SUPT3H: variants seen among roughly 807,000 people sequenced by gnomAD.
The protein encoded by SUPT3H is SPT3 homolog, SAGA and STAGA complex component, also known as transcription initiation protein SPT3 homolog.
SUPT3H carries 44 observed loss-of-function variants against 44.3 expected under a neutral mutation model. The ratio of observed to expected loss-of-function variants is 0.99; its 90% confidence interval spans 0.78 to 1.28. SUPT3H has a LOEUF of 1.28. Among genes scored for constraint, SUPT3H ranks in the 50% most tolerant of loss-of-function variants. The pLI, the probability that SUPT3H is intolerant of heterozygous loss-of-function variation, is 0.00. For missense variants in SUPT3H, 380 were observed against 387.1 expected, an observed-to-expected ratio of 0.98 and a Z score of 0.15; for synonymous variants, 124 against 125.6, an observed-to-expected ratio of 0.99 and a Z score of 0.09.
intron 2 of SUPT3H, among the ~76,000 whole-genome samples, chr6:45,141,996 A>T (rs1200179923): frequency 6.6e-6 from 1 of 152,222 alleles, no homozygotes; most frequent in African/African-American, 2.4e-5. Flanking sequence ...GTGAGACAAA[A>T]GCATCAGGTA....
At chr6:45,057,271 T>C (rs1228058875) in intron 3 of SUPT3H, among the ~76,000 whole-genome samples, 1 of 152,134 alleles carries the variant, frequency 6.6e-6, no homozygotes, top group African/African-American at 2.4e-5. Flanking sequence ...AATCAGATAA[T>C]GGTACCATAT....
intron 11 of SUPT3H, among the ~76,000 whole-genome samples, chr6:44,820,394 C>G (rs1019265564): frequency 1.3e-5 from 2 of 152,002 alleles, no homozygotes; most frequent in Admixed American, 1.3e-4. Flanking sequence ...TTGAAAAACA[C>G]AGTTGAAGAA....
Position 45,059,311 on chromosome 6 carries a change from A to C in SUPT3H, c.187-38679T>G, listed in dbSNP as rs142938109. 1.6e-3 allele frequency among the ~76,000 whole-genome samples: 248 copies of C among 152,306 alleles called. 2 individuals are homozygous for C. Among genetic ancestry groups the C allele is most frequent in the African/African-American group, 5.6e-3 (234 of 41,564 alleles). ...TGCAAATCAATAAATGTAATTCATC[A>C]CATAAACAGAACTAAAGACAAAAAC... is the stretch of plus-strand genomic sequence containing the variant. On this transcript the variant is annotated intron_variant, in intron 3 of 10. Transcript: ENST00000371459.
chr6:45,307,084 A>G (rs1223545079), intron 2 of SUPT3H, among the ~76,000 whole-genome samples: 1 of 152,196 alleles, frequency 6.6e-6, no homozygotes, highest in Non-Finnish European at 1.5e-5. Context: ...GGTGCCCGCC[A>G]TTGCTGAGGC....
chr6:44,876,516 G>C (rs1777300592), intron 10 of SUPT3H, among the ~76,000 whole-genome samples: 1 of 123,184 alleles, frequency 8.1e-6, no homozygotes, highest in African/African-American at 3.0e-5. Context: ...GGTCGGGGGA[G>C]GGGGGAGGGA....
At chr6:45,023,181 A>G (rs957753142) in intron 3 of SUPT3H, among the ~76,000 whole-genome samples, 2 of 151,942 alleles carry the variant, frequency 1.3e-5, no homozygotes, top group South Asian at 2.1e-4. Context: ...GCTCAGTAAC[A>G]CTGATCATTA....
At chr6:44,812,685 A>G (rs1334323749) in intron 11 of SUPT3H, among the ~76,000 whole-genome samples, 5 of 152,198 alleles carry the variant, frequency 3.3e-5, no homozygotes, top group African/African-American at 1.2e-4. Context: ...AGAGAATAAG[A>G]TAATGGAGAA....
At chr6:44,897,606 A>C (rs558188215) in intron 10 of SUPT3H, among the ~76,000 whole-genome samples, 1 of 152,214 alleles carries the variant, frequency 6.6e-6, no homozygotes, top group Non-Finnish European at 1.5e-5. Flanking sequence ...AGCAAAGGCC[A>C]TGCTTCCATT....
At chr6:44,886,341 GAA>G (rs1762287923) in intron 10 of SUPT3H, among the ~76,000 whole-genome samples, 1 of 152,036 alleles carries the variant, frequency 6.6e-6, no homozygotes, top group Non-Finnish European at 1.5e-5. Flanking sequence ...TGAAATGAAG[GAA>G]AAAATGTTAA....
chr6:45,141,265 G>A (rs369043994), intron 2 of SUPT3H, among the ~76,000 whole-genome samples: 2 of 150,046 alleles, frequency 1.3e-5, no homozygotes, highest in Non-Finnish European at 3.0e-5. Flanking sequence ...ACTTGAACCC[G>A]GGAGGCGAAG....
intron 2 of SUPT3H, among the ~76,000 whole-genome samples, chr6:45,146,688 T>C (rs1035533136): frequency 1.1e-4 from 16 of 152,168 alleles, no homozygotes; most frequent in African/African-American, 3.1e-4. Flanking sequence ...TAATAATCAC[T>C]ACAAAAGGTG....
At chr6:45,309,684 C>T (rs762242241) in intron 2 of SUPT3H, among the ~76,000 whole-genome samples, 13 of 151,928 alleles carry the variant, frequency 8.6e-5, no homozygotes, top group Middle Eastern at 3.4e-3. Context: ...CAAGAATAGA[C>T]GAAGGTATAT....
rs1272689652 is a variant in SUPT3H at position 44,827,557 on chromosome 6, C to T, written c.*2259G>A. On this transcript the variant is annotated 3_prime_UTR_variant, in exon 11 of 11. Coordinates refer to ENST00000371459, the MANE Select transcript of SUPT3H (RefSeq NM_003599.4). Reference sequence around the variant, plus strand: ...TGTTCTTAATGATCTCTAAGACTATCTTCTGCTCTAACATTATGATTATTG... The same window carrying T: ...TGTTCTTAATGATCTCTAAGACTATTTTCTGCTCTAACATTATGATTATTG... Among the ~76,000 whole-genome samples the T allele has an allele frequency of 6.6e-6, 1 of 152,022 alleles. No homozygotes were observed. Among genetic ancestry groups the T allele is most frequent in the Non-Finnish European group, 1.5e-5 (1 of 67,954 alleles).
intron 10 of SUPT3H, among the ~76,000 whole-genome samples, chr6:44,923,949 G>A (rs1309677599): frequency 6.6e-6 from 1 of 152,038 alleles, no homozygotes; most frequent in East Asian, 1.9e-4. Flanking sequence ...TTCAATAGAC[G>A]AAGCAAAATA....
chr6:45,115,166 TC>T (rs978410448), intron 2 of SUPT3H, among the ~76,000 whole-genome samples: 1 of 152,114 alleles, frequency 6.6e-6, no homozygotes, highest in African/African-American at 2.4e-5. Context: ...CAGGAAAGTT[TC>T]TCCCATGTTA....
At chr6:44,941,559 A>G (rs1410245289) in intron 9 of SUPT3H, among the ~76,000 whole-genome samples, 1 of 152,190 alleles carries the variant, frequency 6.6e-6, no homozygotes, top group Non-Finnish European at 1.5e-5. Flanking sequence ...TTCTTTAATT[A>G]AAACCAGAAA....
At chr6:44,854,812 T>A (rs1334050429) in intron 10 of SUPT3H, among the ~76,000 whole-genome samples, 3 of 152,196 alleles carry the variant, frequency 2.0e-5, no homozygotes, top group Non-Finnish European at 4.4e-5. Context: ...TCTTTTAAAC[T>A]AAAGACTTTC....
At chr6:44,976,144 G>C (rs557020200) in intron 6 of SUPT3H, among the ~76,000 whole-genome samples, 2 of 152,228 alleles carry the variant, frequency 1.3e-5, no homozygotes, top group African/African-American at 4.8e-5. Flanking sequence ...CTAGAAGCAT[G>C]AGTTAACATA....
intron 10 of SUPT3H, among the ~76,000 whole-genome samples, chr6:44,907,026 C>CA (rs1766209130): frequency 1.3e-5 from 2 of 152,146 alleles, no homozygotes; most frequent in South Asian, 4.1e-4. Flanking sequence ...TGTGTCATTA[C>CA]CTTGATGATT....
Sources: allele counts gnomAD v4.1 joint callset (sites outside exome capture counted in the v4.1 genomes callset), GRCh38; gene constraint gnomAD v4.1.1; transcripts MANE v1.5; gene names NCBI Gene and HGNC (gene_info 2026-07-23, HGNC 2026-07-21).